The following RORA variants were observed in gnomAD, a reference collection of about 807,000 sequenced individuals.
The protein encoded by RORA is nuclear receptor ROR-alpha.
RORA carries 7 observed loss-of-function variants against 69.5 expected under a neutral mutation model. The observed-to-expected ratio is 0.10, with a 90% CI of 0.06 to 0.19. The LOEUF (loss-of-function observed/expected upper bound fraction) is 0.19, where lower values mean the gene tolerates loss of function less well. Among genes scored for constraint, RORA ranks in the 10% least tolerant of loss-of-function variants. The probability of loss-of-function intolerance (pLI) is 1.00; values close to 1 mark genes in which losing one functional copy is unlikely to be tolerated. For synonymous variants in RORA, 261 were observed against 240.8 expected, an observed-to-expected ratio of 1.08 and a Z score of -0.78; for missense variants, 457 against 663.0, an observed-to-expected ratio of 0.69 and a Z score of 3.41.
rs148893524 is a variant in RORA at position 61,149,357 on chromosome 15, T to C, written c.166+79696A>G. On this transcript the variant is annotated intron_variant, in intron 1 of 10. Coordinates refer to ENST00000335670, the MANE Select transcript of RORA (RefSeq NM_134261.3). ...TCTACAGAGAAACCTCATCTTGAAATCTGGATACCCAAGGACTTCACTCTA... is the reference window on the plus strand; with the variant it reads ...TCTACAGAGAAACCTCATCTTGAAACCTGGATACCCAAGGACTTCACTCTA... Among the ~76,000 whole-genome samples the C allele has an allele frequency of 9.8e-4, 149 of 152,264 alleles. 1 individual carries two copies. Among genetic ancestry groups the C allele is most frequent in the African/African-American group, 3.3e-3 (136 of 41,538 alleles).
rs193259536 is a variant in RORA, at chr15:60,977,002, G to A, written c.166+252051C>T. The stretch of plus-strand genomic sequence containing the variant: ...CAGGACAGTCTGGTTTATGCCTGTT[G>A]TGCTGACACACATATGATTAGTACC... On this transcript the variant is annotated intron_variant, in intron 1 of 10. Transcript: ENST00000335670. Among the ~76,000 whole-genome samples, 37 of 152,004 alleles carry A rather than the reference G, an allele frequency of 2.4e-4. No individual in the cohort carries two copies. In the East Asian group the frequency reaches 6.8e-3, roughly 28 times the overall value.
intron 1 of RORA, among the ~76,000 whole-genome samples, chr15:60,845,421 T>C (rs1460549385): frequency 6.6e-6 from 1 of 152,178 alleles, no homozygotes; most frequent in Non-Finnish European, 1.5e-5. Flanking sequence ...GTTTCCCCCA[T>C]CAGTTTTCAA....
At chr15:60,576,776 A>G (rs2068038600) in intron 2 of RORA, among the ~76,000 whole-genome samples, 1 of 152,182 alleles carries the variant, frequency 6.6e-6, no homozygotes, top group Non-Finnish European at 1.5e-5. Flanking sequence ...GCAGGCCTGC[A>G]AGGGCTTTCC....
At chr15:60,861,354 A>G (rs1401214797) in intron 1 of RORA, among the ~76,000 whole-genome samples, 1 of 152,218 alleles carries the variant, frequency 6.6e-6, no homozygotes, top group Non-Finnish European at 1.5e-5. Context: ...ACTTACATTG[A>G]TAAGGCAGTT....
intron 1 of RORA, among the ~76,000 whole-genome samples, chr15:61,040,332 C>G (rs938574673): frequency 2.0e-4 from 30 of 151,308 alleles, no homozygotes; most frequent in African/African-American, 7.0e-4. Context: ...TGAGCTAAAA[C>G]TAGTAATTGC....
chr15:61,175,731 G>A (rs997227658), intron 1 of RORA, among the ~76,000 whole-genome samples: 1 of 151,980 alleles, frequency 6.6e-6, no homozygotes, highest in East Asian at 1.9e-4. Context: ...AAAATAGAAA[G>A]GAAGATGTTG....
At chr15:60,867,367 G>T (rs970935190) in intron 1 of RORA, among the ~76,000 whole-genome samples, 2 of 152,140 alleles carry the variant, frequency 1.3e-5, no homozygotes, top group East Asian at 3.9e-4. Context: ...GCCCTTAACT[G>T]TGGGATCTGA....
chr15:60,556,076 G>A (rs1195167170), intron 2 of RORA, among the ~76,000 whole-genome samples: 1 of 152,140 alleles, frequency 6.6e-6, no homozygotes, highest in African/African-American at 2.4e-5. Flanking sequence ...CCACTTGAAA[G>A]AGCAATAGTC....
At chr15:60,711,412 A>G (rs1461876774) in intron 1 of RORA, among the ~76,000 whole-genome samples, 1 of 152,212 alleles carries the variant, frequency 6.6e-6, no homozygotes, top group Admixed American at 6.5e-5. Context: ...AATAAATATC[A>G]AAAAGTTGCC....
In RORA at chr15:60,849,319, G is replaced by A. The variant is rs1343092534; in HGVS notation, c.167-170633C>T. ...TAAATGGTTGAATGAAGAAAGGCAT[G>A]ACAGACAAGTAGCTCTTTGAAACAT... On this transcript the variant is annotated intron_variant, in intron 1 of 10. Transcript: ENST00000335670. Among the ~76,000 whole-genome samples, 4 of 152,220 alleles carry A rather than the reference G, an allele frequency of 2.6e-5. No homozygotes were observed. In the South Asian group the frequency reaches 6.2e-4, roughly 24 times the overall value.
intron 2 of RORA, among the ~76,000 whole-genome samples, chr15:60,622,699 A>T (rs1465157320): frequency 6.6e-6 from 1 of 152,168 alleles, no homozygotes; most frequent in Middle Eastern, 3.2e-3. Context: ...AAGGATCAGC[A>T]ATTTTAAAAC....
Position 60,907,817 on chromosome 15 carries a change from T to A in RORA, c.167-229131A>T, listed in dbSNP as rs528487108. 2.0e-5 allele frequency among the ~76,000 whole-genome samples: 3 copies of A among 152,286 alleles called. No homozygotes were observed. The East Asian group carries it at 5.8e-4, about 29-fold the overall frequency. ...TCATTTGGCAAGGCTGCCCCGCTTG[T>A]CAAGAGGGCTATGCAAAGTCACCAA... On this transcript the variant is annotated intron_variant, in intron 1 of 10. Coordinates refer to ENST00000335670, the MANE Select transcript of RORA (RefSeq NM_134261.3).
At position 61,226,652 on chromosome 15, in the gene RORA, G is replaced by A. The variant is rs1261812954; in HGVS notation, c.166+2401C>T. 1.3e-5 allele frequency among the ~76,000 whole-genome samples: 2 copies of A among 152,240 alleles called. No homozygotes were observed. The highest frequency in any genetic ancestry group is 4.8e-5 in the African/African-American group (2 of 41,466). On this transcript the variant is annotated intron_variant, in intron 1 of 10. Transcript: ENST00000335670. This position sits in a 1 kb window ranked among gnomAD's most constrained non-coding sequence, Gnocchi z 4.2. ...CCCCTGAGGAGCAGATGCTACATCT[G>A]AGGTTAAAGTCTGCAAATGCACATA...
At chr15:61,034,748 G>T (rs1896364609) in intron 1 of RORA, among the ~76,000 whole-genome samples, 1 of 149,828 alleles carries the variant, frequency 6.7e-6, no homozygotes, top group African/African-American at 2.5e-5. Flanking sequence ...AATAGTGGGG[G>T]CTGGGAACCC....
At chr15:60,893,227 G>A (rs764707174) in intron 1 of RORA, among the ~76,000 whole-genome samples, 11 of 152,200 alleles carry the variant, frequency 7.2e-5, no homozygotes, top group Non-Finnish European at 1.6e-4. Flanking sequence ...GCTGATGATA[G>A]GACATTCCCC....
intron 1 of RORA, among the ~76,000 whole-genome samples, chr15:61,098,231 C>T (rs976922049): frequency 2.1e-5 from 3 of 140,492 alleles, no homozygotes; most frequent in Non-Finnish European, 4.6e-5. Context: ...TTCCTTCCCT[C>T]TCTCCCTTTT....
chr15:60,504,030 G>A (rs895544467), intron 6 of RORA, among the ~76,000 whole-genome samples: 8 of 151,808 alleles, frequency 5.3e-5, no homozygotes, highest in African/African-American at 7.3e-5. Context: ...CTTGAACTCC[G>A]GACCTCAAGT....
chr15:61,103,684 A>G (rs760178865), intron 1 of RORA, among the ~76,000 whole-genome samples: 4 of 152,172 alleles, frequency 2.6e-5, no homozygotes, highest in Non-Finnish European at 5.9e-5. Flanking sequence ...CAGGGCATTC[A>G]CACTGTCCTG....
chr15:61,216,066 G>A (rs1343090317), intron 1 of RORA, among the ~76,000 whole-genome samples: 1 of 152,154 alleles, frequency 6.6e-6, no homozygotes, highest in Non-Finnish European at 1.5e-5. Context: ...CAGAAAGACA[G>A]GATTCCATAC....
Sources: allele counts gnomAD v4.1 joint callset (sites outside exome capture counted in the v4.1 genomes callset), GRCh38; gene constraint gnomAD v4.1.1; non-coding constraint Gnocchi (gnomAD v3.1); transcripts MANE v1.5; gene names NCBI Gene and HGNC (gene_info 2026-07-23, HGNC 2026-07-21).